BLNK: variants seen among roughly 807,000 people sequenced by gnomAD.
BLNK encodes B-cell linker protein.
BLNK carries 29 observed loss-of-function variants against 73.5 expected under a neutral mutation model. The observed-to-expected ratio is 0.39, with a 90% CI of 0.29 to 0.54. The LOEUF is 0.54. Among genes scored for constraint, BLNK ranks in the 20% least tolerant of loss-of-function variants. BLNK has a pLI of 0.61. For missense variants in BLNK, 460 were observed against 562.8 expected, an observed-to-expected ratio of 0.82 and a Z score of 1.85; for synonymous variants, 176 against 200.8, an observed-to-expected ratio of 0.88 and a Z score of 1.04.
At chr10:96,207,389 C>A (rs1263094641) in intron 10 of BLNK, among the ~76,000 whole-genome samples, 2 of 150,940 alleles carry the variant, frequency 1.3e-5, no homozygotes, top group East Asian at 1.9e-4. Context: ...GGTCTCATGA[C>A]CCCCCCCTTC....
At position 96,209,872 on chromosome 10, in the gene BLNK, G is replaced by A. The variant is rs2133983367; in HGVS notation, c.712C>T (p.Pro238Ser). 6.2e-7 allele frequency: 1 copy of A among 1,614,216 alleles called. No homozygotes were observed. The highest frequency in any genetic ancestry group is 1.1e-5 in the South Asian group (1 of 91,084). ...GGCAACGGGGATGGTGCAGCTGGTG[G>A]AGGTGACTTGGTTTCCCAGGCCCCA... ...NSGAWETKSP[P>S]PAAPSPLPRA... is the part of the protein sequence containing the mutation. The change falls in exon 9 of 17, where the codon CCA becomes TCA. Residue 238 changes from proline to serine, a missense_variant. This residue lies in a region of BLNK where 233 missense variants were observed against 232.1 expected (regional missense o/e 1.00). Coordinates refer to ENST00000224337, the MANE Select transcript of BLNK (RefSeq NM_013314.4).
At chr10:96,257,447 T>TG (rs1843565485) in intron 1 of BLNK, among the ~76,000 whole-genome samples, 2 of 152,202 alleles carry the variant, frequency 1.3e-5, no homozygotes, top group African/African-American at 4.8e-5. Flanking sequence ...AGGAGTGCCC[T>TG]GTGGGCCTCA....
intron 16 of BLNK, among the ~76,000 whole-genome samples, chr10:96,193,758 A>G (rs2083387876): frequency 6.6e-6 from 1 of 152,210 alleles, no homozygotes; most frequent in Non-Finnish European, 1.5e-5. Flanking sequence ...TGTATCACAC[A>G]GTGCCAAAAT....
intron 6 of BLNK, 131 bp downstream of exon 6, chr10:96,223,695 T>C: frequency 1.8e-6 from 2 of 1,090,248 alleles, no homozygotes; most frequent in Non-Finnish European, 1.4e-6. Context: ...TTTGGTATAA[T>C]AGTGGAGAGT....
At chr10:96,260,693 T>G (rs1027720592) in intron 1 of BLNK, among the ~76,000 whole-genome samples, 1 of 152,202 alleles carries the variant, frequency 6.6e-6, no homozygotes, top group African/African-American at 2.4e-5. Flanking sequence ...TTGAAAAAGT[T>G]TGACCCAGTT....
At position 96,241,880 on chromosome 10, in the gene BLNK, C is replaced by A. The variant is rs144671381; in HGVS notation, c.163+855G>T. Reference sequence around the variant, plus strand: ...GGGACTACAGGTGCATGCCACCACACCTGGATAATTTGCATTTTTTGTAGA... The same window carrying A: ...GGGACTACAGGTGCATGCCACCACAACTGGATAATTTGCATTTTTTGTAGA... On this transcript the variant is annotated intron_variant, in intron 3 of 16. Transcript: ENST00000224337. 4.9e-3 allele frequency among the ~76,000 whole-genome samples: 741 copies of A among 152,112 alleles called. 6 individuals carry two copies. Among genetic ancestry groups the A allele is most frequent in the African/African-American group, 0.017 (690 of 41,482 alleles).
At chr10:96,254,050 A>G (rs550964458) in intron 1 of BLNK, among the ~76,000 whole-genome samples, 1 of 151,852 alleles carries the variant, frequency 6.6e-6, no homozygotes, top group African/African-American at 2.4e-5. Context: ...AAAAAAATAA[A>G]AAAAAGGAAA....
intron 1 of BLNK, among the ~76,000 whole-genome samples, chr10:96,249,930 TAGAAGGATAGGAG>T (rs1244780156): frequency 1.6e-4 from 24 of 152,264 alleles, no homozygotes; most frequent in Middle Eastern, 3.4e-3. Flanking sequence ...GAGTGTGAAG[TAGAAGGATAGGAG>T]AAACTTCTTT....
chr10:96,203,958 G>T, intron 13 of BLNK, 99 bp downstream of exon 13: 1 of 953,576 alleles, frequency 1.0e-6, no homozygotes, highest in Non-Finnish European at 1.7e-6. Context: ...GGATAACGCA[G>T]CTGGAAGCGA....
intron 15 of BLNK, among the ~76,000 whole-genome samples, chr10:96,198,884 A>C (rs2133940470): frequency 6.6e-6 from 1 of 152,250 alleles, no homozygotes; most frequent in East Asian, 1.9e-4. Context: ...TTTTCAGTAG[A>C]GATGAGGTTT....
At chr10:96,261,867 T>C (rs1272606275) in intron 1 of BLNK, among the ~76,000 whole-genome samples, 1 of 152,244 alleles carries the variant, frequency 6.6e-6, no homozygotes, top group Non-Finnish European at 1.5e-5. Context: ...AAAATTATTT[T>C]TCATAATGAA....
intron 7 of BLNK, chr10:96,216,310 T>C (rs1214617167): frequency 3.2e-6 from 1 of 315,092 alleles, no homozygotes; most frequent in Non-Finnish European, 6.0e-6. Context: ...GTGCAATGTT[T>C]ACAAGGCCAA....
chr10:96,252,925 A>G (rs1396519407), intron 1 of BLNK, among the ~76,000 whole-genome samples: 1 of 152,092 alleles, frequency 6.6e-6, no homozygotes, highest in Admixed American at 6.5e-5. Context: ...CTTTGCTGTC[A>G]CTCATCCTGC....
intron 13 of BLNK, 69 bp from the exon 14 acceptor site, chr10:96,201,127 T>A: frequency 7.3e-7 from 1 of 1,367,486 alleles, no homozygotes; most frequent in Non-Finnish European, 1.0e-6. Context: ...GCCTATCCCC[T>A]AACACTGTAC....
intron 12 of BLNK, 152 bp from the exon 13 acceptor site, chr10:96,204,240 A>C (rs1193269310): frequency 1.1e-6 from 1 of 874,028 alleles, no homozygotes; most frequent in African/African-American, 1.7e-5. Flanking sequence ...AAGAGCCACC[A>C]AAACCTTAAA....
intron 3 of BLNK, among the ~76,000 whole-genome samples, chr10:96,236,173 G>T (rs1411989268): frequency 6.6e-6 from 1 of 152,180 alleles, no homozygotes; most frequent in African/African-American, 2.4e-5. Flanking sequence ...TGGCATCACA[G>T]CATGTCTGAC....
At chr10:96,258,337 A>T (rs1011717484) in intron 1 of BLNK, among the ~76,000 whole-genome samples, 2 of 152,206 alleles carry the variant, frequency 1.3e-5, no homozygotes, top group East Asian at 1.9e-4. Context: ...ACTGAAGCCC[A>T]AAGAGATCAG....
intron 2 of BLNK, among the ~76,000 whole-genome samples, chr10:96,243,526 G>A (rs587747723): frequency 9.2e-5 from 14 of 152,268 alleles, no homozygotes; most frequent in Non-Finnish European, 1.6e-4. Flanking sequence ...CAGCTTGGGC[G>A]ACAGAGCGAG....
rs17232045 is a variant in BLNK, at chr10:96,200,313, A to G, written c.1012-155T>C. Among the ~76,000 whole-genome samples the G allele has an allele frequency of 0.051, 7,718 of 152,198 alleles. 277 individuals are homozygous for G. The highest frequency in any genetic ancestry group is 0.095 in the Middle Eastern group (28 of 294). The stretch of plus-strand genomic sequence containing the variant: ...AGTTTTATTTTTCCTTTGATCAAAC[A>G]CAAGGATTATACCGTTAACTTGTTT... On this transcript the variant is annotated intron_variant, in intron 14 of 16. Transcript: ENST00000224337. The surrounding 1 kb of genome is among the most constrained non-coding windows in gnomAD (Gnocchi z 4.3).
Sources: gnomAD v4.1 joint callset for allele counts (sites outside exome capture counted in the v4.1 genomes callset) on GRCh38, gnomAD v4.1.1 for gene constraint, gnomAD v4.1.1 regional missense constraint, Gnocchi (gnomAD v3.1) non-coding constraint, MANE v1.5 for transcripts, NCBI Gene and HGNC (gene_info 2026-07-23, HGNC 2026-07-21) for gene names.